PLXDC2: variants seen among roughly 807,000 people sequenced by gnomAD.
PLXDC2 encodes the protein plexin domain-containing protein 2.
Under a neutral mutation model 68.9 loss-of-function variants are expected in PLXDC2, and 40 were observed. The ratio of observed to expected loss-of-function variants is 0.58; its 90% CI spans 0.45 to 0.76. The LOEUF is 0.76. Among genes scored for constraint, PLXDC2 ranks in the 30% least tolerant of loss-of-function variants. The pLI is 0.00. For synonymous variants in PLXDC2, 243 were observed against 234.2 expected, an observed-to-expected ratio of 1.04 and a Z score of -0.34; for missense variants, 644 against 661.9, an observed-to-expected ratio of 0.97 and a Z score of 0.30.
intron 1 of PLXDC2, among the ~76,000 whole-genome samples, chr10:19,916,083 C>T (rs1405791448): frequency 4.7e-5 from 7 of 149,218 alleles, no homozygotes; most frequent in African/African-American, 9.9e-5. Context: ...GCCGCATCAA[C>T]GTAGATAAAA....
intron 4 of PLXDC2, among the ~76,000 whole-genome samples, chr10:20,098,280 G>T (rs750811209): frequency 2.0e-5 from 3 of 151,790 alleles, no homozygotes; most frequent in South Asian, 4.2e-4. Context: ...CTTCACTTGT[G>T]ACCACATCAC....
intron 12 of PLXDC2, among the ~76,000 whole-genome samples, chr10:20,242,779 C>T (rs1018608846): frequency 1.2e-4 from 18 of 152,114 alleles, no homozygotes; most frequent in African/African-American, 2.4e-4. Flanking sequence ...GGCAGGATCT[C>T]GGCTCCCTGC....
intron 1 of PLXDC2, among the ~76,000 whole-genome samples, chr10:19,843,425 C>T (rs1836943313): frequency 6.6e-6 from 1 of 152,052 alleles, no homozygotes; most frequent in African/African-American, 2.4e-5. Context: ...TCCATAAGGA[C>T]ACCATCCACG....
chr10:20,212,759 C>G (rs1027869547), intron 10 of PLXDC2, among the ~76,000 whole-genome samples: 1 of 152,112 alleles, frequency 6.6e-6, no homozygotes, highest in Admixed American at 6.6e-5. Context: ...GTAGCTATAA[C>G]CAACCTTTTG....
At chr10:20,152,899 A>G (rs1270885566) in intron 6 of PLXDC2, among the ~76,000 whole-genome samples, 2 of 152,120 alleles carry the variant, frequency 1.3e-5, no homozygotes, top group African/African-American at 4.8e-5. Context: ...TTCCTACAAG[A>G]CAGTTTATTT....
intron 2 of PLXDC2, among the ~76,000 whole-genome samples, chr10:20,018,022 A>T (rs1392105133): frequency 6.6e-6 from 1 of 152,250 alleles, no homozygotes; most frequent in Non-Finnish European, 1.5e-5. Flanking sequence ...TGGGCCCAGG[A>T]TGCCAGATCT....
At chr10:20,274,023 A>G (rs1835973141) in intron 13 of PLXDC2, among the ~76,000 whole-genome samples, 1 of 140,510 alleles carries the variant, frequency 7.1e-6, no homozygotes, top group Admixed American at 7.1e-5. Context: ...CAGGTTACAG[A>G]GTAAGATACT....
At chr10:19,969,136 G>C (rs1166744264) in intron 1 of PLXDC2, among the ~76,000 whole-genome samples, 1 of 152,158 alleles carries the variant, frequency 6.6e-6, no homozygotes, top group Non-Finnish European at 1.5e-5. Flanking sequence ...ATGCTAGCCA[G>C]ACATTTTATT....
chr10:20,082,209 T>A (rs1165034280), intron 4 of PLXDC2, among the ~76,000 whole-genome samples: 1 of 151,846 alleles, frequency 6.6e-6, no homozygotes, highest in Non-Finnish European at 1.5e-5. Flanking sequence ...TCTGAATACA[T>A]TTAGTTAATA....
chr10:20,187,866 A>G (rs1025482600), intron 9 of PLXDC2, among the ~76,000 whole-genome samples: 1 of 151,890 alleles, frequency 6.6e-6, no homozygotes, highest in East Asian at 1.9e-4. Context: ...ATGTCTTTCT[A>G]TATTTTAACA....
intron 9 of PLXDC2, among the ~76,000 whole-genome samples, chr10:20,184,763 G>C (rs547872385): frequency 1.3e-5 from 2 of 151,806 alleles, no homozygotes; most frequent in African/African-American, 4.8e-5. Flanking sequence ...TTTTTCCTTT[G>C]GTTTTGTCTC....
At chr10:20,228,591 G>T (rs1251537682) in intron 12 of PLXDC2, among the ~76,000 whole-genome samples, 3 of 132,280 alleles carry the variant, frequency 2.3e-5, no homozygotes, top group Admixed American at 1.5e-4. Flanking sequence ...AGGCAGGAAG[G>T]CAGGAAGGAA....
At chr10:19,842,085 G>A (rs1031541495) in intron 1 of PLXDC2, among the ~76,000 whole-genome samples, 4 of 152,002 alleles carry the variant, frequency 2.6e-5, no homozygotes, top group Non-Finnish European at 5.9e-5. Context: ...AGACCAGGTA[G>A]AGCAACATCC....
intron 1 of PLXDC2, among the ~76,000 whole-genome samples, chr10:19,984,412 T>G (rs1419901720): frequency 6.6e-6 from 1 of 152,182 alleles, no homozygotes; most frequent in Admixed American, 6.5e-5. Context: ...GAGGACATGG[T>G]GATGTGTTTT....
intron 1 of PLXDC2, among the ~76,000 whole-genome samples, chr10:19,838,818 T>C (rs1346261260): frequency 1.3e-5 from 2 of 152,216 alleles, no homozygotes; most frequent in Non-Finnish European, 2.9e-5. Flanking sequence ...TGGATTGTGG[T>C]GCTCACCAGT....
chr10:19,834,654 C>T (rs778653408), intron 1 of PLXDC2, among the ~76,000 whole-genome samples: 2 of 152,144 alleles, frequency 1.3e-5, no homozygotes, highest in South Asian at 2.1e-4. Context: ...GTAATTGTTT[C>T]GAAAGGACTG....
chr10:20,164,120 C>G (rs1834341733), intron 6 of PLXDC2, among the ~76,000 whole-genome samples: 1 of 151,978 alleles, frequency 6.6e-6, no homozygotes, highest in Admixed American at 6.6e-5. Flanking sequence ...AGAGGAAAAT[C>G]TGTTTCCAAA....
chr10:20,101,962 C>T (rs547726618), intron 4 of PLXDC2, among the ~76,000 whole-genome samples: 3 of 151,980 alleles, frequency 2.0e-5, no homozygotes, highest in East Asian at 1.9e-4. Context: ...CCACCATGCC[C>T]GGCTAATTTT....
At chr10:19,949,066 G>A (rs954796662) in intron 1 of PLXDC2, among the ~76,000 whole-genome samples, 1 of 131,790 alleles carries the variant, frequency 7.6e-6, no homozygotes. Context: ...GGCAGAGGTT[G>A]CAGTGAACCA....
Sources: gnomAD v4.1 joint callset for allele counts (sites outside exome capture counted in the v4.1 genomes callset) on GRCh38, gnomAD v4.1.1 for gene constraint, MANE v1.5 for transcripts, NCBI Gene and HGNC (gene_info 2026-07-23, HGNC 2026-07-21) for gene names.